Variants in NXN observed in about 807,000 individuals in gnomAD.
The protein encoded by NXN is nucleoredoxin 1.
NXN carries 16 observed loss-of-function variants against 48.6 expected under a neutral mutation model. That is an observed-to-expected ratio of 0.33 (90% CI 0.22 to 0.50). The LOEUF is 0.50. Ranked by LOEUF, NXN falls within the 20% of genes least tolerant of loss-of-function variation. The pLI, the probability that NXN is intolerant of heterozygous loss-of-function variation, is 0.98. For synonymous variants in NXN, 281 were observed against 269.6 expected (o/e 1.04, Z -0.41); for missense variants, 492 against 605.5 (o/e 0.81, Z 1.97).
In NXN at chr17:800,032, CT is replaced by C; in HGVS notation, c.*916del. ...TCGGGAGGCTGAGGCAGGAGAATCA[CT>C]TGAACCTTGGGGGCGGAGGTTGAAG... On this transcript the variant is annotated 3_prime_UTR_variant, in exon 8 of 8. Transcript: ENST00000336868. 1 of 152,564 alleles carries C rather than the reference CT, an allele frequency of 6.6e-6. No individual in the cohort carries two copies. Among genetic ancestry groups the C allele is most frequent in the Non-Finnish European group, 1.5e-5 (1 of 68,208 alleles). 9.5% of individuals were successfully genotyped at this position (152,564 alleles called of 1,614,324 possible).
Position 805,038 on chromosome 17 carries a change from C to T in NXN, c.1000+30G>A, listed in dbSNP as rs991707731. On this transcript the variant is annotated intron_variant, in intron 6 of 7. Coordinates refer to ENST00000336868, the MANE Select transcript of NXN (RefSeq NM_022463.5). ...CCTCCTGTCCCGCCCCCCAGCCACC[C>T]CTCGCCCCCTGCCCCCGTGAGCTTC... is the stretch of plus-strand genomic sequence containing the variant. 6 of 1,543,750 alleles carry T rather than the reference C, an allele frequency of 3.9e-6. No homozygotes were observed. The East Asian group carries it at 1.5e-4, about 38-fold the overall frequency.
At chr17:857,276 T>TA (rs1393363982) in intron 1 of NXN, among the ~76,000 whole-genome samples, 1 of 152,140 alleles carries the variant, frequency 6.6e-6, no homozygotes, top group Non-Finnish European at 1.5e-5. Context: ...CTTTTTTTTT[T>TA]ATGAGACGGA....
At chr17:842,502 G>T in intron 1 of NXN, 1 of 985,306 alleles carries the variant, frequency 1.0e-6, no homozygotes. Context: ...TGAACACGGG[G>T]CCGCGTCTCA....
At chr17:897,233 G>A (rs546573359) in intron 1 of NXN, among the ~76,000 whole-genome samples, 1 of 152,328 alleles carries the variant, frequency 6.6e-6, no homozygotes, top group East Asian at 1.9e-4. Context: ...GTTAAGGGCT[G>A]TTCCCACCCT....
chr17:847,093 G>C (rs1021780431), intron 1 of NXN, among the ~76,000 whole-genome samples: 1 of 152,172 alleles, frequency 6.6e-6, no homozygotes, highest in Non-Finnish European at 1.5e-5. Context: ...AGAAGAGCAG[G>C]AAGTGTGGTT....
intron 1 of NXN, among the ~76,000 whole-genome samples, chr17:971,926 G>A (rs2069385612): frequency 6.6e-6 from 1 of 152,124 alleles, no homozygotes; most frequent in South Asian, 2.1e-4. Context: ...CAGCACTTTG[G>A]AAGCCGAGGC....
intron 5 of NXN, among the ~76,000 whole-genome samples, chr17:808,708 T>C (rs1911733622): frequency 2.7e-5 from 4 of 147,182 alleles, no homozygotes; most frequent in African/African-American, 5.1e-5. Flanking sequence ...AGAGTCTCAC[T>C]CTGTTGCCCA....
chr17:813,495 T>G (rs776859615), intron 5 of NXN, among the ~76,000 whole-genome samples: 6 of 152,222 alleles, frequency 3.9e-5, no homozygotes, highest in Non-Finnish European at 8.8e-5. Flanking sequence ...AGAAGGCGCT[T>G]CCAAAGTGAT....
intron 1 of NXN, among the ~76,000 whole-genome samples, chr17:841,458 C>CGAGCAGGTCCCCCCGACCACAGA: frequency 1.8e-5 from 1 of 54,212 alleles, no homozygotes; most frequent in Non-Finnish European, 3.6e-5. Flanking sequence ...CTGACCACGG[C>CGAGCAGGTCCCCCCGACCACAGA]GCATCTCACA....
chr17:963,549 C>A (rs2150631340), intron 1 of NXN, among the ~76,000 whole-genome samples: 1 of 152,172 alleles, frequency 6.6e-6, no homozygotes, highest in East Asian at 1.9e-4. Context: ...TTGCAGTGAG[C>A]CAAGATCGCA....
At position 801,056 on chromosome 17, in the gene NXN, A is replaced by C; in HGVS notation, c.1201T>G (p.Ser401Ala). Reference sequence around the variant, plus strand: ...TCCATCACGTACTTGGCCCGGGCTGACATGTCCAGGATGGTGAGCAAAGGG... The same window carrying C: ...TCCATCACGTACTTGGCCCGGGCTGCCATGTCCAGGATGGTGAGCAAAGGG... ...AAPLLTILDM[S>A]ARAKYVMDVE... Residue 401 changes from serine (S) to alanine (A), a missense_variant, in exon 8 of 8, where the codon TCA becomes GCA. Ser to Ala is a moderately conservative substitution (Grantham distance 99). Coordinates refer to ENST00000336868, the MANE Select transcript of NXN (RefSeq NM_022463.5). 6.3e-7 allele frequency: 1 copy of C among 1,580,764 alleles called. No individual in the cohort carries two copies. Among genetic ancestry groups the C allele is most frequent in the Middle Eastern group, 1.7e-4 (1 of 5,982 alleles).
At chr17:810,436 G>A (rs1174067809) in intron 5 of NXN, among the ~76,000 whole-genome samples, 4 of 152,188 alleles carry the variant, frequency 2.6e-5, no homozygotes, top group African/African-American at 9.7e-5. Context: ...TTCTTTAACG[G>A]CAGCCTATTT....
In NXN at chr17:805,177, C is replaced by T. The variant is rs753463194; in HGVS notation, c.891G>A (p.Leu297=). 6.2e-7 allele frequency: 1 copy of T among 1,609,984 alleles called. No homozygotes were observed. Among genetic ancestry groups the T allele is most frequent in the Non-Finnish European group, 8.5e-7 (1 of 1,178,840 alleles). The change falls in exon 6 of 8, where the codon CTG becomes CTA. Residue 297 remains leucine, a synonymous_variant. Transcript: ENST00000336868. ...VITRQGRVEV[L]NDEDCREFPW... ...GGAACTCCCGGCAGTCCTCGTCGTT[C>T]AGCACCTCCACCCGCCCCTGCCGCG...
At chr17:899,971 A>T (rs911534549) in intron 1 of NXN, among the ~76,000 whole-genome samples, 4 of 152,132 alleles carry the variant, frequency 2.6e-5, no homozygotes, top group African/African-American at 7.2e-5. Context: ...TTTAACACTA[A>T]AACTTTTCTG....
chr17:873,049 T>C (rs1031203981), intron 1 of NXN, among the ~76,000 whole-genome samples: 2 of 152,194 alleles, frequency 1.3e-5, no homozygotes, highest in African/African-American at 4.8e-5. Context: ...ACAGGGAGAA[T>C]TCTCTCTGAC....
At chr17:943,201 G>T (rs537259066) in intron 1 of NXN, among the ~76,000 whole-genome samples, 14 of 152,130 alleles carry the variant, frequency 9.2e-5, no homozygotes, top group African/African-American at 3.1e-4. Flanking sequence ...TCTCTCTCTC[G>T]ACTAAAATGT....
intron 1 of NXN, among the ~76,000 whole-genome samples, chr17:939,597 T>C (rs375951285): frequency 6.6e-6 from 1 of 152,058 alleles, no homozygotes; most frequent in Admixed American, 6.5e-5. Context: ...CCTCCCACCT[T>C]GGCCTCCCAA....
chr17:879,286 TG>T (rs2068256840), intron 1 of NXN, among the ~76,000 whole-genome samples: 1 of 147,074 alleles, frequency 6.8e-6, no homozygotes, highest in African/African-American at 2.5e-5. Context: ...TTTTGGTTTT[TG>T]GTTTTTTGTT....
chr17:844,592 T>G (rs1309839191), intron 1 of NXN, among the ~76,000 whole-genome samples: 1 of 152,172 alleles, frequency 6.6e-6, no homozygotes, highest in Admixed American at 6.6e-5. Context: ...TTTCTTTTTT[T>G]TCTTTTTTTT....
Sources: allele counts gnomAD v4.1 joint callset (sites outside exome capture counted in the v4.1 genomes callset), GRCh38; gene constraint gnomAD v4.1.1; transcripts MANE v1.5; gene names NCBI Gene and HGNC (gene_info 2026-07-23, HGNC 2026-07-21).